Variants in BMERB1 observed in about 807,000 individuals in gnomAD.
BMERB1 encodes the protein bMERB domain-containing protein 1.
BMERB1 carries 12 observed loss-of-function variants against 23.6 expected under a neutral mutation model. The ratio of observed to expected loss-of-function variants is 0.51; its 90% CI spans 0.33 to 0.82. The LOEUF is 0.82. Among genes scored for constraint, BMERB1 ranks in the 40% least tolerant of loss-of-function variants. The probability of loss-of-function intolerance (pLI) is 0.03; values close to 1 mark genes in which losing one functional copy is unlikely to be tolerated. For synonymous variants in BMERB1, 122 were observed against 96.6 expected (o/e 1.26, Z -1.54); for missense variants, 247 against 255.4 (o/e 0.97, Z 0.22).
chr16:15,499,485 C>G (rs574642025), intron 1 of BMERB1, among the ~76,000 whole-genome samples: 1 of 152,092 alleles, frequency 6.6e-6, no homozygotes, highest in Non-Finnish European at 1.5e-5. Flanking sequence ...GTACTTGGAC[C>G]TCTTAGATCT....
At chr16:15,503,427 G>A (rs928583206) in intron 1 of BMERB1, among the ~76,000 whole-genome samples, 4 of 149,740 alleles carry the variant, frequency 2.7e-5, no homozygotes, top group Admixed American at 1.3e-4. Context: ...GACTACAGGC[G>A]CCTGCCACCA....
intron 1 of BMERB1, among the ~76,000 whole-genome samples, chr16:15,491,264 A>G (rs777894441): frequency 2.0e-5 from 3 of 152,196 alleles, no homozygotes; most frequent in South Asian, 2.1e-4. Context: ...TCCTTTAACA[A>G]TTCTTTGAGG....
At chr16:15,583,266 C>T (rs200904641) in intron 5 of BMERB1, 28 bp downstream of exon 5, 3 of 1,519,300 alleles carry the variant, frequency 2.0e-6, no homozygotes, top group East Asian at 2.3e-5. Flanking sequence ...TCATTCCCCT[C>T]CCCCACAAAA....
chr16:15,587,861 A>ATG lies in BMERB1; in HGVS notation c.*1044_*1045dup, dbSNP rs140697506. The ATG allele has an allele frequency of 1.3e-4, 24 of 187,994 alleles. No homozygotes were observed. The highest frequency in any genetic ancestry group is 8.3e-4 in the East Asian group (5 of 6,038). The allele number at this position is 187,994 out of a possible 1,614,324, so 11.6% of individuals were successfully genotyped here. ...GGTACAGCCTGTGTGACTTCTCTGT[A>ATG]TGTGTGTGTGTGTCGTGACCAGCCT... On this transcript the variant is annotated 3_prime_UTR_variant, in exon 6 of 6. Transcript: ENST00000300006.
intron 1 of BMERB1, among the ~76,000 whole-genome samples, chr16:15,501,573 C>G (rs1024821819): frequency 6.6e-6 from 1 of 152,200 alleles, no homozygotes; most frequent in East Asian, 1.9e-4. Flanking sequence ...CTCCCCAGTT[C>G]AAGCAATTCT....
chr16:15,436,655 T>A (rs543077165), intron 1 of BMERB1, among the ~76,000 whole-genome samples: 138 of 152,174 alleles, frequency 9.1e-4, no homozygotes, highest in African/African-American at 3.2e-3. Context: ...CTACCTATAT[T>A]TTTGTACCCA....
In BMERB1 at chr16:15,534,286, C is replaced by CAA. The variant is rs1168488547; in HGVS notation, c.230+18886_230+18887dup. Reference sequence around the variant, plus strand: ...AAGACCTTGATTTTTTTTTTAATTGCAAAAAAAAAAAAAAAAAAAAAAAAA... The same window carrying CAA: ...AAGACCTTGATTTTTTTTTTAATTGCAAAAAAAAAAAAAAAAAAAAAAAAAAA... On this transcript the variant is annotated intron_variant, in intron 2 of 5. Transcript: ENST00000300006. Among the ~76,000 whole-genome samples the CAA allele has an allele frequency of 2.9e-3, 120 of 41,930 alleles. 4 individuals are homozygous for CAA. The highest frequency in any genetic ancestry group is 6.6e-3 in the East Asian group (3 of 456). 27.5% of individuals were successfully genotyped at this position (41,930 alleles called of 152,430 possible). A position where few individuals can be genotyped will look rare whatever the true frequency, so the allele number is the denominator to read the frequency against.
At chr16:15,530,472 G>A (rs1329014634) in intron 2 of BMERB1, among the ~76,000 whole-genome samples, 2 of 152,114 alleles carry the variant, frequency 1.3e-5, no homozygotes, top group African/African-American at 4.8e-5. Context: ...GCAGTGACAC[G>A]GTCATAGCTC....
At position 15,515,433 on chromosome 16, in the gene BMERB1, G is replaced by C; in HGVS notation, c.230+5G>C. 6.2e-7 allele frequency: 1 copy of C among 1,612,836 alleles called. No individual in the cohort carries two copies. Among genetic ancestry groups the C allele is most frequent in the Non-Finnish European group, 8.5e-7 (1 of 1,179,520 alleles). Reference sequence around the variant, plus strand: ...GGAGTCTGAGCTCAGGTTCATGTGAGTGTTTTGGGGATGTGGCCAAGGAAA... The same window carrying C: ...GGAGTCTGAGCTCAGGTTCATGTGACTGTTTTGGGGATGTGGCCAAGGAAA... On this transcript the variant is annotated splice_donor_5th_base_variant and intron_variant, in intron 2 of 5. Coordinates refer to ENST00000300006, the MANE Select transcript of BMERB1 (RefSeq NM_033201.3).
chr16:15,512,908 G>T (rs2051689406), intron 1 of BMERB1, among the ~76,000 whole-genome samples: 1 of 151,652 alleles, frequency 6.6e-6, no homozygotes, highest in African/African-American at 2.4e-5. Context: ...AGGAAAAAGA[G>T]AACAACTTTC....
chr16:15,501,287 CTTTTTTTTT>C (rs71152437), intron 1 of BMERB1, among the ~76,000 whole-genome samples: 56 of 64,910 alleles, frequency 8.6e-4, no homozygotes, highest in African/African-American at 2.9e-3. Context: ...GCTCTTTTTA[CTTTTTTTTT>C]TTTTTTTTTT....
At chr16:15,495,086 G>A (rs568663160) in intron 1 of BMERB1, among the ~76,000 whole-genome samples, 3 of 151,818 alleles carry the variant, frequency 2.0e-5, no homozygotes, top group Admixed American at 2.0e-4. Flanking sequence ...GTTTCACCAC[G>A]TTGGCCAAGC....
At chr16:15,541,394 G>A (rs977233844) in intron 2 of BMERB1, among the ~76,000 whole-genome samples, 3 of 150,388 alleles carry the variant, frequency 2.0e-5, no homozygotes, top group Non-Finnish European at 3.0e-5. Flanking sequence ...GCAGGTCAGC[G>A]AGTGGGACTG....
At chr16:15,435,390 G>A (rs1207375134) in intron 1 of BMERB1, among the ~76,000 whole-genome samples, 3 of 152,172 alleles carry the variant, frequency 2.0e-5, no homozygotes. Flanking sequence ...GAAATAGACC[G>A]GCTGTATTTA....
intron 2 of BMERB1, among the ~76,000 whole-genome samples, chr16:15,554,228 C>T (rs1055487428): frequency 1.3e-5 from 2 of 152,136 alleles, no homozygotes; most frequent in Admixed American, 6.6e-5. Context: ...CAGTCCCAGT[C>T]GAGAGCATGG....
At chr16:15,566,462 A>C (rs1026409575) in intron 2 of BMERB1, among the ~76,000 whole-genome samples, 5 of 152,176 alleles carry the variant, frequency 3.3e-5, no homozygotes, top group African/African-American at 1.2e-4. Flanking sequence ...GATGTCTATG[A>C]ATAGGGGAAT....
At chr16:15,453,337 A>C (rs988559008) in intron 1 of BMERB1, among the ~76,000 whole-genome samples, 1 of 152,218 alleles carries the variant, frequency 6.6e-6, no homozygotes, top group Non-Finnish European at 1.5e-5. Flanking sequence ...TCACACCTGT[A>C]ATCTGAGGCA....
chr16:15,572,142 AT>A lies in BMERB1; in HGVS notation c.304+4088del, dbSNP rs373870776. 1.3e-4 allele frequency among the ~76,000 whole-genome samples: 20 copies of A among 152,344 alleles called. No individual in the cohort carries two copies. The East Asian group carries it at 3.7e-3, about 28-fold the overall frequency. On this transcript the variant is annotated intron_variant, in intron 3 of 5. Coordinates refer to ENST00000300006, the MANE Select transcript of BMERB1 (RefSeq NM_033201.3). The stretch of plus-strand genomic sequence containing the variant: ...TTAGAGTGCAGCAATCTGGGTTTGA[AT>A]TCAGCCTTAGCAGGCAGGTGAACTT...
chr16:15,536,405 G>A (rs1175595735), intron 2 of BMERB1, among the ~76,000 whole-genome samples: 4 of 152,112 alleles, frequency 2.6e-5, no homozygotes. Context: ...GGACGCATCT[G>A]ACTCTCATAT....
Sources: allele counts gnomAD v4.1 joint callset (sites outside exome capture counted in the v4.1 genomes callset), GRCh38; gene constraint gnomAD v4.1.1; transcripts MANE v1.5; gene names NCBI Gene and HGNC (gene_info 2026-07-23, HGNC 2026-07-21).